The following NPFFR1 variants were observed in gnomAD, a reference collection of about 807,000 sequenced individuals.
NPFFR1 encodes G-protein coupled receptor 147.
NPFFR1 carries 17 observed loss-of-function variants against 12.7 expected under a neutral mutation model. The ratio of observed to expected loss-of-function variants is 1.34; its 90% CI spans 0.92 to 2.01. NPFFR1 has a LOEUF of 2.01. NPFFR1 is among the 30% of genes most tolerant of loss of function. NPFFR1 has a pLI of 0.00. For missense variants in NPFFR1, 604 were observed against 606.5 expected (o/e 1.00, Z 0.04); for synonymous variants, 296 against 264.5 (o/e 1.12, Z -1.16).
rs112970468 is a variant in NPFFR1 at position 70,279,785 on chromosome 10, ATACTC to A, written c.7+3880_7+3884del. Among the ~76,000 whole-genome samples, 334 of 152,306 alleles carry A rather than the reference ATACTC, an allele frequency of 2.2e-3. 4 individuals carry two copies. Among genetic ancestry groups the A allele is most frequent in the African/African-American group, 7.6e-3 (317 of 41,570 alleles). On this transcript the variant is annotated intron_variant, in intron 1 of 3. Transcript: ENST00000277942. ...CCTCTTGGCAATTTTGAAATGTACA[ATACTC>A]TATTATTAACTCTATGCACCATGCT...
intron 1 of NPFFR1, 41 bp from the exon 2 acceptor site, chr10:70,266,432 G>T (rs1424344149): frequency 1.3e-6 from 2 of 1,502,498 alleles, no homozygotes; most frequent in South Asian, 2.5e-5. Flanking sequence ...CTTAGGCAAA[G>T]AAGAGATTAC....
At chr10:70,256,726 A>T (rs546843485) in intron 3 of NPFFR1, among the ~76,000 whole-genome samples, 2 of 152,276 alleles carry the variant, frequency 1.3e-5, no homozygotes, top group Non-Finnish European at 2.9e-5. Flanking sequence ...GGAAACTGGG[A>T]CTCGAGTGTT....
At chr10:70,275,377 G>A (rs1840793666) in intron 1 of NPFFR1, among the ~76,000 whole-genome samples, 2 of 152,220 alleles carry the variant, frequency 1.3e-5, no homozygotes, top group South Asian at 4.1e-4. Context: ...AGGCCTTAGA[G>A]AGTGGATGTG....
chr10:70,255,248 C>T lies in NPFFR1; in HGVS notation c.1002G>A (p.Glu334=). The change falls in exon 4 of 4, where the codon GAG becomes GAA. Residue 334 remains glutamate (E), a synonymous_variant. Transcript: ENST00000277942. This position sits in a 1 kb window ranked among gnomAD's most constrained non-coding sequence, Gnocchi z 4.2. ...ANPIIYGYFN[E]NFRRGFQAAF... The stretch of plus-strand genomic sequence containing the variant: ...CGGCCTGGAAGCCGCGGCGGAAGTT[C>T]TCGTTGAAGTAGCCGTAGATGATGG... 1 of 1,563,542 alleles carries T rather than the reference C, an allele frequency of 6.4e-7. No individual in the cohort carries two copies. Among genetic ancestry groups the T allele is most frequent in the Non-Finnish European group, 8.6e-7 (1 of 1,159,784 alleles).
At chr10:70,257,722 G>T (rs1840587319) in intron 3 of NPFFR1, among the ~76,000 whole-genome samples, 1 of 152,212 alleles carries the variant, frequency 6.6e-6, no homozygotes, top group African/African-American at 2.4e-5. Flanking sequence ...TCTCCTGCCT[G>T]CCCCTGGGAA....
rs1840480530 is a variant in NPFFR1 at position 70,248,700 on chromosome 10, G to T, written c.*6257C>A. On this transcript the variant is annotated 3_prime_UTR_variant, in exon 4 of 4. Coordinates refer to ENST00000277942, the MANE Select transcript of NPFFR1 (RefSeq NM_022146.5). ...GGGGTTTCACCATGTTAGCCAGGCT[G>T]GTCTCGAACTCCTGACCTCAAGTGA... 6.6e-6 allele frequency: 1 copy of T among 151,666 alleles called. No homozygotes were observed. The highest frequency in any genetic ancestry group is 1.5e-5 in the Non-Finnish European group (1 of 67,984). 9.4% of individuals were successfully genotyped at this position (151,666 alleles called of 1,614,324 possible). A position where few individuals can be genotyped will look rare whatever the true frequency, so the allele number is the denominator to read the frequency against.
chr10:70,259,342 A>G (rs1564593889), intron 3 of NPFFR1, among the ~76,000 whole-genome samples: 2 of 152,072 alleles, frequency 1.3e-5, no homozygotes, highest in Admixed American at 6.6e-5. Context: ...AGAATAAATA[A>G]TTCTTAAAGC....
rs1840825107 is a variant in NPFFR1, at chr10:70,278,267, T to C, written c.7+5403A>G. Reference sequence around the variant, plus strand: ...CAGCAAGAGGGACTCCAGACCTATCTCATAGTCAGTGTGTTTTGGGACCTC... The same window carrying C: ...CAGCAAGAGGGACTCCAGACCTATCCCATAGTCAGTGTGTTTTGGGACCTC... On this transcript the variant is annotated intron_variant, in intron 1 of 3. Transcript: ENST00000277942. Among the ~76,000 whole-genome samples the C allele has an allele frequency of 4.6e-5, 7 of 151,582 alleles. No homozygotes were observed. The South Asian group carries it at 1.3e-3, about 27-fold the overall frequency.
chr10:70,257,284 A>T (rs969973851), intron 3 of NPFFR1, among the ~76,000 whole-genome samples: 1 of 152,250 alleles, frequency 6.6e-6, no homozygotes, highest in Non-Finnish European at 1.5e-5. Context: ...TTGTACTTTA[A>T]ACAATTGCTT....
Position 70,255,627 on chromosome 10 carries a change from G to C in NPFFR1, c.623C>G (p.Pro208Arg). The part of the protein sequence containing the change: ...YPLYSCWEAW[P>R]EKGMRRVYTT... ...GTAGACCCTGCGCATGCCCTTCTCG[G>C]GCCAGGCCTCCCAGCAGGAGTAGAG... The change falls in exon 4 of 4, where the codon CCC becomes CGC. Residue 208 changes from proline (P) to arginine (R), a missense_variant. Physicochemically the swap from Pro to Arg is moderately radical, Grantham distance 103 (BLOSUM62 -2). Transcript: ENST00000277942. The surrounding 1 kb of genome is among the most constrained non-coding windows in gnomAD (Gnocchi z 4.2). The C allele has an allele frequency of 6.3e-7, 1 of 1,579,436 alleles. No homozygotes were observed. The highest frequency in any genetic ancestry group is 8.6e-7 in the Non-Finnish European group (1 of 1,162,946).
At chr10:70,278,368 C>T (rs1840826212) in intron 1 of NPFFR1, among the ~76,000 whole-genome samples, 1 of 145,176 alleles carries the variant, frequency 6.9e-6, no homozygotes, top group African/African-American at 2.5e-5. Flanking sequence ...TGAATGTAAG[C>T]CATTAATTTT....
At chr10:70,259,142 C>G (rs1019639196) in intron 3 of NPFFR1, among the ~76,000 whole-genome samples, 1 of 151,942 alleles carries the variant, frequency 6.6e-6, no homozygotes, top group African/African-American at 2.4e-5. Flanking sequence ...AAAAATTAGC[C>G]ATGCATGGTG....
At chr10:70,271,040 T>C (rs564690811) in intron 1 of NPFFR1, among the ~76,000 whole-genome samples, 1 of 152,300 alleles carries the variant, frequency 6.6e-6, no homozygotes, top group South Asian at 2.1e-4. Flanking sequence ...GGCCTAGCTA[T>C]CTCTGTTTTA....
At position 70,255,814 on chromosome 10, in the gene NPFFR1, C is replaced by G; in HGVS notation, c.436G>C (p.Val146Leu). Residue 146 changes from valine to leucine, a missense_variant, in exon 4 of 4, where the codon GTG becomes CTG. Transcript: ENST00000277942. This position sits in a 1 kb window ranked among gnomAD's most constrained non-coding sequence, Gnocchi z 4.2. Reference sequence around the variant, plus strand: ...GTCAGCTTCTCGCGGAAAGGGTGCACGATGCAGCGGAACCTGCCGCGGGGA... The same window carrying G: ...GTCAGCTTCTCGCGGAAAGGGTGCAGGATGCAGCGGAACCTGCCGCGGGGA... ...AIAVERFRCI[V>L]HPFREKLTLR... 1 of 1,608,298 alleles carries G rather than the reference C, an allele frequency of 6.2e-7. No homozygotes were observed. Among genetic ancestry groups the G allele is most frequent in the Middle Eastern group, 1.7e-4 (1 of 5,976 alleles).
intron 1 of NPFFR1, among the ~76,000 whole-genome samples, chr10:70,283,235 C>G (rs1463441441): frequency 6.7e-6 from 1 of 148,336 alleles, no homozygotes; most frequent in Non-Finnish European, 1.5e-5. Flanking sequence ...CTCTCTCTCT[C>G]TCTCACACAC....
At chr10:70,275,155 A>G (rs898232770) in intron 1 of NPFFR1, among the ~76,000 whole-genome samples, 1 of 152,274 alleles carries the variant, frequency 6.6e-6, no homozygotes, top group Non-Finnish European at 1.5e-5. Context: ...TAATACAGCC[A>G]TCAGGAGCCC....
chr10:70,263,367 G>C (rs1323540800), intron 2 of NPFFR1, among the ~76,000 whole-genome samples: 1 of 152,106 alleles, frequency 6.6e-6, no homozygotes, highest in Non-Finnish European at 1.5e-5. Context: ...CTGCCTCCTG[G>C]GTTCACGCCA....
intron 2 of NPFFR1, 81 bp downstream of exon 2, chr10:70,265,996 C>A: frequency 7.4e-7 from 1 of 1,356,600 alleles, no homozygotes; most frequent in Non-Finnish European, 1.0e-6. Flanking sequence ...TATCTGTCTT[C>A]TAAGCTTTGA....
rs1840477391 is a variant in NPFFR1, at chr10:70,248,489, T to TTTTTTTTTTTTTTTTTTTTTTTTTTTTG, written c.*6467_*6468insCAAAAAAAAAAAAAAAAAAAAAAAAAAA. The TTTTTTTTTTTTTTTTTTTTTTTTTTTTG allele has an allele frequency of 8.8e-6, 1 of 113,852 alleles. No individual in the cohort carries two copies. The highest frequency in any genetic ancestry group is 1.8e-5 in the Non-Finnish European group (1 of 57,104). 7.1% of individuals were successfully genotyped at this position (113,852 alleles called of 1,614,324 possible). A position where few individuals can be genotyped will look rare whatever the true frequency, so the allele number is the denominator to read the frequency against. On this transcript the variant is annotated 3_prime_UTR_variant, in exon 4 of 4. Coordinates refer to ENST00000277942, the MANE Select transcript of NPFFR1 (RefSeq NM_022146.5). ...GGCGTTTTTTTTTTGTTTTTTGTTT[T>TTTTTTTTTTTTTTTTTTTTTTTTTTTTG]TTTTTTTTTTTTTTGAGATGGAGTC...
Sources: gnomAD v4.1 joint callset for allele counts (sites outside exome capture counted in the v4.1 genomes callset) on GRCh38, gnomAD v4.1.1 for gene constraint, Gnocchi (gnomAD v3.1) non-coding constraint, MANE v1.5 for transcripts, NCBI Gene and HGNC (gene_info 2026-07-23, HGNC 2026-07-21) for gene names.